LIMCH1: variants seen among roughly 807,000 people sequenced by gnomAD.
LIMCH1 encodes the protein LIM and calponin homology domains 1.
A neutral mutation model predicts 176.5 loss-of-function variants in LIMCH1; 113 were observed. The observed-to-expected ratio is 0.64, with a 90% CI of 0.55 to 0.75. The LOEUF is 0.75. Among genes scored for constraint, LIMCH1 ranks in the 30% least tolerant of loss-of-function variants. The probability of loss-of-function intolerance (pLI) is 0.00; values close to 1 mark genes in which losing one functional copy is unlikely to be tolerated. For synonymous variants in LIMCH1, 619 were observed against 645.9 expected (o/e 0.96, Z 0.63); for missense variants, 1,674 against 1,814.9 (o/e 0.92, Z 1.41).
chr4:41,606,723 T>C (rs2090762707), intron 4 of LIMCH1, among the ~76,000 whole-genome samples: 1 of 152,192 alleles, frequency 6.6e-6, no homozygotes, highest in South Asian at 2.1e-4. Context: ...TACATAGTGT[T>C]ACCCAGGAGA....
intron 9 of LIMCH1, among the ~76,000 whole-genome samples, chr4:41,630,886 A>G (rs147769493): frequency 2.9e-3 from 443 of 152,366 alleles, no homozygotes; most frequent in Non-Finnish European, 5.3e-3. Flanking sequence ...TACCTAATAC[A>G]GTGCTTTCAC....
chr4:41,387,725 C>T (rs1277598986), intron 1 of LIMCH1, among the ~76,000 whole-genome samples: 1 of 152,170 alleles, frequency 6.6e-6, no homozygotes, highest in African/African-American at 2.4e-5. Context: ...CAGTGATGCA[C>T]CAAGGAAGGG....
intron 1 of LIMCH1, among the ~76,000 whole-genome samples, chr4:41,460,478 A>ATATATATATATATATC (rs1410622782): frequency 1.0e-4 from 15 of 145,086 alleles, no homozygotes; most frequent in African/African-American, 3.6e-4. Flanking sequence ...ATATATATAT[A>ATATATATATATATATC]TCTTATAATA....
In LIMCH1 at chr4:41,631,227, G is replaced by A. The variant is rs1460058861; in HGVS notation, c.1351G>A (p.Ala451Thr). ...KAETAIRDDF[A>T]NRKARASKKA... is the part of the protein sequence containing the mutation. ...AGAAACTGCCATTCGTGATGACTTT[G>A]CCAACCGCAAAGCAAGGGCCTCTAA... The change falls in exon 10 of 32, where the codon GCC becomes ACC. Residue 451 changes from alanine (A) to threonine (T), a missense_variant. Physicochemically the swap from Ala to Thr is moderately conservative, Grantham distance 58 (BLOSUM62 0). This residue lies in a region of LIMCH1 where 655 missense variants were observed against 692.2 expected (regional missense o/e 0.95). Transcript: ENST00000503057. 13 of 1,536,108 alleles carry A rather than the reference G, an allele frequency of 8.5e-6. 1 individual carries two copies. The highest frequency in any genetic ancestry group is 4.8e-5 in the South Asian group (4 of 84,056).
intron 1 of LIMCH1, chr4:41,453,680 A>C (rs1467940524): frequency 2.0e-5 from 3 of 152,276 alleles, no homozygotes; most frequent in East Asian, 1.9e-4. Context: ...TCAAGGGTCA[A>C]CTGCATGTAT....
chr4:41,677,336 A>T (rs1711662701), intron 23 of LIMCH1, among the ~76,000 whole-genome samples: 1 of 152,166 alleles, frequency 6.6e-6, no homozygotes, highest in African/African-American at 2.4e-5. Flanking sequence ...TGAACCCGTG[A>T]GGCGGAGGTT....
At chr4:41,487,206 A>G (rs923591517) in intron 1 of LIMCH1, among the ~76,000 whole-genome samples, 5 of 152,068 alleles carry the variant, frequency 3.3e-5, no homozygotes, top group African/African-American at 1.2e-4. Flanking sequence ...TGCTGCTGCT[A>G]CTGGTCTAAG....
At chr4:41,600,961 C>T (rs996610398) in intron 2 of LIMCH1, among the ~76,000 whole-genome samples, 13 of 152,008 alleles carry the variant, frequency 8.6e-5, no homozygotes, top group African/African-American at 3.1e-4. Flanking sequence ...CTTCCTTCTG[C>T]CTTCCCTCCC....
At chr4:41,382,611 G>A (rs906666491) in intron 1 of LIMCH1, among the ~76,000 whole-genome samples, 17 of 152,192 alleles carry the variant, frequency 1.1e-4, no homozygotes, top group South Asian at 4.2e-4. Context: ...GGCACATTTG[G>A]TGTAAAATGG....
intron 1 of LIMCH1, chr4:41,385,758 T>A (rs2154106621): frequency 6.6e-6 from 1 of 152,254 alleles, no homozygotes; most frequent in East Asian, 1.9e-4. Flanking sequence ...GGTGACTCTG[T>A]GTTATTTAGG....
chr4:41,414,463 A>T (rs149614685), intron 1 of LIMCH1, among the ~76,000 whole-genome samples: 39 of 152,318 alleles, frequency 2.6e-4, no homozygotes, highest in Admixed American at 8.5e-4. Flanking sequence ...TCCTTACCGT[A>T]GTGATTAGAG....
chr4:41,419,642 CTTTCT>C (rs2060359330), intron 1 of LIMCH1, among the ~76,000 whole-genome samples: 1 of 81,682 alleles, frequency 1.2e-5, no homozygotes, highest in African/African-American at 8.0e-5. Context: ...TTCCTCCTTC[CTTTCT>C]TCCTCCTTCC....
chr4:41,605,507 A>G (rs1230368902), intron 3 of LIMCH1, among the ~76,000 whole-genome samples: 1 of 152,216 alleles, frequency 6.6e-6, no homozygotes, highest in Non-Finnish European at 1.5e-5. Flanking sequence ...CTTTCTCAAA[A>G]GGAATTGACA....
chr4:41,504,083 A>G (rs750677024), intron 2 of LIMCH1, among the ~76,000 whole-genome samples: 1 of 152,196 alleles, frequency 6.6e-6, no homozygotes, highest in African/African-American at 2.4e-5. Context: ...CTTGGCACCA[A>G]TTCTCTGAGA....
chr4:41,605,083 G>C (rs1367965158), intron 3 of LIMCH1, among the ~76,000 whole-genome samples: 2 of 152,156 alleles, frequency 1.3e-5, no homozygotes, highest in Non-Finnish European at 2.9e-5. Context: ...CTCATCTTCA[G>C]CTGACTCTGC....
At chr4:41,437,175 T>C (rs1167485473) in intron 1 of LIMCH1, among the ~76,000 whole-genome samples, 1 of 152,244 alleles carries the variant, frequency 6.6e-6, no homozygotes, top group Non-Finnish European at 1.5e-5. Flanking sequence ...ACAGTAGTGC[T>C]GATCGGCTGC....
chr4:41,697,009 C>T (rs1731204557), intron 31 of LIMCH1, 151 bp from the exon 32 acceptor site: 2 of 740,918 alleles, frequency 2.7e-6, no homozygotes, highest in South Asian at 1.7e-5. Flanking sequence ...GTCCTGGGGC[C>T]ACACTTCAAG....
At chr4:41,444,042 A>G (rs569841154) in intron 1 of LIMCH1, among the ~76,000 whole-genome samples, 1 of 152,168 alleles carries the variant, frequency 6.6e-6, no homozygotes. Context: ...AGATATTCCT[A>G]TCTGGATAGG....
At chr4:41,566,216 T>A (rs2082747803) in intron 1 of LIMCH1, among the ~76,000 whole-genome samples, 1 of 152,178 alleles carries the variant, frequency 6.6e-6, no homozygotes, top group Admixed American at 6.5e-5. Flanking sequence ...TCCAGACTCT[T>A]GTTAATGTTG....
Sources: gnomAD v4.1 joint callset for allele counts (sites outside exome capture counted in the v4.1 genomes callset) on GRCh38, gnomAD v4.1.1 for gene constraint, gnomAD v4.1.1 regional missense constraint, MANE v1.5 for transcripts, NCBI Gene and HGNC (gene_info 2026-07-23, HGNC 2026-07-21) for gene names.